The following NALF1 variants were observed in gnomAD, a reference collection of about 807,000 sequenced individuals.
NALF1 encodes family with sequence similarity 155 member A.
Under a neutral mutation model 48.4 loss-of-function variants are expected in NALF1, and 3 were observed. The ratio of observed to expected loss-of-function variants is 0.06; its 90% CI spans 0.03 to 0.16. NALF1 has a LOEUF of 0.16. NALF1 is among the 10% of genes least tolerant of loss of function. The pLI, the probability that NALF1 is intolerant of heterozygous loss-of-function variation, is 1.00. For missense variants in NALF1, 526 were observed against 571.5 expected (o/e 0.92, Z 0.81); for synonymous variants, 262 against 245.7 (o/e 1.07, Z -0.62).
intron 1 of NALF1, among the ~76,000 whole-genome samples, chr13:107,391,664 C>A (rs1377498231): frequency 1.3e-5 from 2 of 152,272 alleles, no homozygotes; most frequent in South Asian, 2.1e-4. Flanking sequence ...TTACCTTAAC[C>A]TGAACATTCC....
chr13:107,361,469 A>G (rs1429120874), intron 1 of NALF1, among the ~76,000 whole-genome samples: 1 of 152,172 alleles, frequency 6.6e-6, no homozygotes, highest in Non-Finnish European at 1.5e-5. Flanking sequence ...TCAAGGCAAA[A>G]GGACTGTAGG....
intron 1 of NALF1, among the ~76,000 whole-genome samples, chr13:107,792,241 T>C (rs1314073590): frequency 8.5e-5 from 13 of 152,208 alleles, no homozygotes; most frequent in Admixed American, 8.5e-4. Context: ...CCTATCATGA[T>C]GCATATTTTT....
chr13:107,363,842 G>T (rs1370147468), intron 1 of NALF1, among the ~76,000 whole-genome samples: 1 of 152,148 alleles, frequency 6.6e-6, no homozygotes, highest in African/African-American at 2.4e-5. Context: ...GTAAAATCCA[G>T]TTCATGTTGT....
At chr13:107,582,802 G>T (rs1344909664) in intron 1 of NALF1, among the ~76,000 whole-genome samples, 1 of 152,094 alleles carries the variant, frequency 6.6e-6, no homozygotes, top group Non-Finnish European at 1.5e-5. Context: ...TAAATAAAAA[G>T]AAAATCCTGT....
intron 1 of NALF1, among the ~76,000 whole-genome samples, chr13:107,598,082 T>C (rs1324751288): frequency 2.6e-5 from 4 of 152,188 alleles, no homozygotes; most frequent in Non-Finnish European, 4.4e-5. Context: ...CTTAGGGATA[T>C]GCCTAGATGG....
intron 1 of NALF1, among the ~76,000 whole-genome samples, chr13:107,330,217 C>T (rs1177150903): frequency 1.3e-5 from 2 of 152,108 alleles, no homozygotes; most frequent in Non-Finnish European, 2.9e-5. Context: ...CTGGCTGCTC[C>T]CAGAAGTGAG....
Position 107,271,814 on chromosome 13 carries a change from A to ATATATATATT in NALF1, c.916-61060_916-61059insAATATATATA, listed in dbSNP as rs1374366280. Among the ~76,000 whole-genome samples the ATATATATATT allele has an allele frequency of 6.3e-3, 640 of 102,020 alleles. 8 individuals are homozygous for ATATATATATT. The highest frequency in any genetic ancestry group is 0.011 in the African/African-American group (231 of 20,366). The allele number at this position is 102,020 out of a possible 152,430, so 66.9% of individuals were successfully genotyped here. ...TATATATATATATATATATATATAT[A>ATATATATATT]TATTTATATATTTATATATACAAAT... On this transcript the variant is annotated intron_variant, in intron 1 of 2. Transcript: ENST00000375915.
At chr13:107,193,520 G>T (rs1879324867) in intron 2 of NALF1, among the ~76,000 whole-genome samples, 1 of 152,130 alleles carries the variant, frequency 6.6e-6, no homozygotes, top group Non-Finnish European at 1.5e-5. Context: ...GGCAGCTTTT[G>T]TTTAATTACC....
chr13:107,371,248 A>G (rs529746142), intron 1 of NALF1, among the ~76,000 whole-genome samples: 4 of 152,172 alleles, frequency 2.6e-5, no homozygotes, highest in African/African-American at 9.6e-5. Context: ...AGAGTTTGGG[A>G]CCAATACAGA....
chr13:107,542,864 G>C (rs1012566904), intron 1 of NALF1, among the ~76,000 whole-genome samples: 4 of 151,958 alleles, frequency 2.6e-5, no homozygotes, highest in African/African-American at 9.7e-5. Flanking sequence ...ATCATTTTAA[G>C]TCATGTTTCC....
At chr13:107,710,107 C>T (rs991460389) in intron 1 of NALF1, among the ~76,000 whole-genome samples, 2 of 148,550 alleles carry the variant, frequency 1.3e-5, no homozygotes, top group South Asian at 2.1e-4. Flanking sequence ...AGAGTGAGAC[C>T]CAGTTTCTTA....
intron 1 of NALF1, among the ~76,000 whole-genome samples, chr13:107,843,623 T>C (rs1046426052): frequency 1.2e-4 from 18 of 152,124 alleles, no homozygotes; most frequent in African/African-American, 4.1e-4. Flanking sequence ...TACTGGGAGA[T>C]GAACCTAATC....
At chr13:107,452,431 A>C (rs557769434) in intron 1 of NALF1, among the ~76,000 whole-genome samples, 227 of 152,312 alleles carry the variant, frequency 1.5e-3, no homozygotes, top group Non-Finnish European at 2.4e-3. Context: ...AGGAAGGAGA[A>C]GGGCCAAGTG....
At chr13:107,227,071 C>G (rs974680560) in intron 1 of NALF1, among the ~76,000 whole-genome samples, 3 of 152,232 alleles carry the variant, frequency 2.0e-5, no homozygotes, top group Non-Finnish European at 4.4e-5. Context: ...AAAGTATAGA[C>G]TGAGCAATTC....
At chr13:107,579,651 CTT>C (rs1399933488) in intron 1 of NALF1, among the ~76,000 whole-genome samples, 1 of 129,860 alleles carries the variant, frequency 7.7e-6, no homozygotes, top group Admixed American at 8.6e-5. Flanking sequence ...AGCTATTTTT[CTT>C]TTTTTTTTTA....
At chr13:107,216,062 C>T (rs560727583) in intron 1 of NALF1, among the ~76,000 whole-genome samples, 1 of 152,208 alleles carries the variant, frequency 6.6e-6, no homozygotes, top group Non-Finnish European at 1.5e-5. Flanking sequence ...AGCAGCTGCT[C>T]TCCCTTTTCC....
intron 1 of NALF1, among the ~76,000 whole-genome samples, chr13:107,592,103 A>C (rs1300419783): frequency 6.6e-6 from 1 of 152,012 alleles, no homozygotes; most frequent in South Asian, 2.1e-4. Context: ...TTTAAATGCC[A>C]AGTAAAAGTA....
At chr13:107,217,087 C>T (rs915481225) in intron 1 of NALF1, among the ~76,000 whole-genome samples, 2 of 152,120 alleles carry the variant, frequency 1.3e-5, no homozygotes, top group African/African-American at 2.4e-5. Flanking sequence ...CATTAATAAA[C>T]GTCTCATGTA....
chr13:107,682,933 G>A (rs1196943965), intron 1 of NALF1, among the ~76,000 whole-genome samples: 1 of 152,040 alleles, frequency 6.6e-6, no homozygotes, highest in Admixed American at 6.5e-5. Context: ...TTATGTTTAG[G>A]GCCAATTTTA....
Sources: gnomAD v4.1 joint callset for allele counts (sites outside exome capture counted in the v4.1 genomes callset) on GRCh38, gnomAD v4.1.1 for gene constraint, MANE v1.5 for transcripts, NCBI Gene and HGNC (gene_info 2026-07-23, HGNC 2026-07-21) for gene names.